The following GLYR1 variants were observed in gnomAD, a reference collection of about 807,000 sequenced individuals.
The protein encoded by GLYR1 is cytokine-like nuclear factor N-PAC.
GLYR1 carries 21 observed loss-of-function variants against 72.7 expected under a neutral mutation model. That is an observed-to-expected ratio of 0.29 (90% CI 0.20 to 0.42). GLYR1 has a LOEUF of 0.42. Ranked by LOEUF, GLYR1 falls within the 10% of genes least tolerant of loss-of-function variation. The probability of loss-of-function intolerance (pLI) is 1.00; values close to 1 mark genes in which losing one functional copy is unlikely to be tolerated. For synonymous variants in GLYR1, 392 were observed against 270.2 expected, an observed-to-expected ratio of 1.45 and a Z score of -4.42; for missense variants, 594 against 712.1, an observed-to-expected ratio of 0.83 and a Z score of 1.89.
intron 7 of GLYR1, among the ~76,000 whole-genome samples, chr16:4,822,554 C>T (rs1467845124): frequency 3.9e-5 from 6 of 152,148 alleles, no homozygotes; most frequent in Admixed American, 6.6e-5. Flanking sequence ...CCATGCCCAG[C>T]TAATTTTTCT....
At chr16:4,812,358 T>G (rs2141955771) in intron 12 of GLYR1, 110 bp from the exon 13 acceptor site, 1 of 1,231,240 alleles carries the variant, frequency 8.1e-7, no homozygotes, top group South Asian at 1.5e-5. Flanking sequence ...CTTCCAGAGC[T>G]GGAGGGGACG....
intron 3 of GLYR1, among the ~76,000 whole-genome samples, chr16:4,844,584 A>T (rs1052806831): frequency 6.6e-6 from 1 of 152,158 alleles, no homozygotes. Context: ...CATCCTGGGC[A>T]ACATGGTAAA....
At chr16:4,845,773 G>A (rs1447039803) in intron 2 of GLYR1, among the ~76,000 whole-genome samples, 1 of 152,090 alleles carries the variant, frequency 6.6e-6, no homozygotes, top group African/African-American at 2.4e-5. Context: ...TAGCACATAT[G>A]GTAACATGGA....
At chr16:4,820,929 T>C (rs1192936493) in intron 9 of GLYR1, among the ~76,000 whole-genome samples, 1 of 152,234 alleles carries the variant, frequency 6.6e-6, no homozygotes, top group Non-Finnish European at 1.5e-5. Flanking sequence ...TTCCCCCACC[T>C]GCCCCACCAT....
At chr16:4,810,912 C>G (rs568750400) in intron 15 of GLYR1, among the ~76,000 whole-genome samples, 80 of 151,790 alleles carry the variant, frequency 5.3e-4, no homozygotes, top group African/African-American at 1.9e-3. Context: ...CGAGACCAGC[C>G]TGAACAACAA....
chr16:4,836,896 C>A (rs2085172371), intron 3 of GLYR1, among the ~76,000 whole-genome samples: 1 of 151,948 alleles, frequency 6.6e-6, no homozygotes, highest in East Asian at 1.9e-4. Context: ...CAGAGGGTTT[C>A]CTCCATGACT....
chr16:4,831,022 T>G (rs2084763483), intron 5 of GLYR1, among the ~76,000 whole-genome samples: 1 of 152,200 alleles, frequency 6.6e-6, no homozygotes, highest in African/African-American at 2.4e-5. Flanking sequence ...GTTCTTGACA[T>G]TCCAAACAGA....
At chr16:4,836,574 G>A (rs2085145861) in intron 3 of GLYR1, among the ~76,000 whole-genome samples, 1 of 152,166 alleles carries the variant, frequency 6.6e-6, no homozygotes, top group African/African-American at 2.4e-5. Context: ...TACAGAGAAG[G>A]AAAGCGGATG....
chr16:4,807,713 T>C (rs942787166), intron 15 of GLYR1, among the ~76,000 whole-genome samples: 3 of 152,208 alleles, frequency 2.0e-5, no homozygotes, highest in African/African-American at 7.2e-5. Context: ...TGGAAGTCAC[T>C]TCAAAGAGAA....
intron 15 of GLYR1, among the ~76,000 whole-genome samples, chr16:4,807,589 A>T (rs1276605442): frequency 2.0e-5 from 3 of 152,216 alleles, no homozygotes; most frequent in African/African-American, 7.2e-5. Flanking sequence ...CTAACAGTAT[A>T]GAGTCTAAGC....
chr16:4,834,599 G>A (rs1199845405), intron 3 of GLYR1, among the ~76,000 whole-genome samples: 1 of 152,084 alleles, frequency 6.6e-6, no homozygotes, highest in Non-Finnish European at 1.5e-5. Context: ...CCGAGTTGCT[G>A]GGACTACAGG....
intron 12 of GLYR1, among the ~76,000 whole-genome samples, chr16:4,812,478 G>C (rs2083373888): frequency 6.6e-6 from 1 of 152,018 alleles, no homozygotes; most frequent in Admixed American, 6.6e-5. Context: ...CTCCACACAG[G>C]AACCCAACTG....
intron 3 of GLYR1, chr16:4,839,277 A>G (rs1355884232): frequency 6.6e-6 from 1 of 152,344 alleles, no homozygotes; most frequent in Admixed American, 6.5e-5. Context: ...AATTTTTTGT[A>G]GAGATGGGTC....
At chr16:4,837,298 T>G (rs964464573) in intron 3 of GLYR1, among the ~76,000 whole-genome samples, 3 of 151,946 alleles carry the variant, frequency 2.0e-5, no homozygotes, top group African/African-American at 7.3e-5. Context: ...CCAGTTGTGG[T>G]AGCACACGTC....
intron 3 of GLYR1, chr16:4,843,646 T>C (rs185059009): frequency 1.5e-3 from 1,983 of 1,288,290 alleles, no homozygotes; most frequent in Non-Finnish European, 1.9e-3. Context: ...TATAAACTCC[T>C]GGATGAGTGA....
intron 15 of GLYR1, among the ~76,000 whole-genome samples, chr16:4,810,870 A>G (rs1264059595): frequency 6.6e-6 from 1 of 151,544 alleles, no homozygotes; most frequent in African/African-American, 2.4e-5. Context: ...TCTGGGAGGC[A>G]GAGGCGGGTG....
intron 1 of GLYR1, 35 bp from the exon 2 acceptor site, chr16:4,846,245 C>G (rs2142066584): frequency 1.2e-6 from 2 of 1,611,976 alleles, no homozygotes; most frequent in Non-Finnish European, 1.7e-6. Context: ...ACTTGCCCTG[C>G]AAAAGCCAGT....
At chr16:4,823,571 A>C (rs2084180044) in intron 6 of GLYR1, among the ~76,000 whole-genome samples, 1 of 152,234 alleles carries the variant, frequency 6.6e-6, no homozygotes, top group Admixed American at 6.5e-5. Flanking sequence ...AAAAAACTAG[A>C]CATAGGTCTA....
At chr16:4,809,588 G>A (rs1021613656) in intron 15 of GLYR1, among the ~76,000 whole-genome samples, 2 of 148,936 alleles carry the variant, frequency 1.3e-5, no homozygotes, top group African/African-American at 5.0e-5. Context: ...CTCCAGCTTG[G>A]GTGACAGAGC....
Sources: gnomAD v4.1 joint callset for allele counts (sites outside exome capture counted in the v4.1 genomes callset) on GRCh38, gnomAD v4.1.1 for gene constraint, MANE v1.5 for transcripts, NCBI Gene and HGNC (gene_info 2026-07-23, HGNC 2026-07-21) for gene names.